MTUS1: variants seen among roughly 807,000 people sequenced by gnomAD.
MTUS1 encodes the protein microtubule associated scaffold protein 1, also known as microtubule-associated tumor suppressor 1.
In MTUS1, 109 loss-of-function variants were observed where a neutral mutation model predicts 120.8. That is an observed-to-expected ratio of 0.90 (90% CI 0.77 to 1.06). The LOEUF (loss-of-function observed/expected upper bound fraction) is 1.06. MTUS1 is among the 50% of genes least tolerant of loss of function. MTUS1 has a pLI of 0.00. For synonymous variants in MTUS1, 737 were observed against 550.5 expected, an observed-to-expected ratio of 1.34 and a Z score of -4.74; for missense variants, 2,210 against 1,486.3, an observed-to-expected ratio of 1.49 and a Z score of -8.01.
At chr8:17,740,269 C>G (rs937059362) in intron 3 of MTUS1, among the ~76,000 whole-genome samples, 3 of 152,056 alleles carry the variant, frequency 2.0e-5, no homozygotes, top group African/African-American at 7.2e-5. Context: ...ATTACAATTC[C>G]TTCTCACATT....
intron 1 of MTUS1, among the ~76,000 whole-genome samples, chr8:17,788,570 C>A (rs903453692): frequency 6.6e-6 from 1 of 152,176 alleles, no homozygotes; most frequent in African/African-American, 2.4e-5. Context: ...GACTAAACCA[C>A]CACCTTGAAA....
chr8:17,773,876 T>C (rs1291603481), intron 1 of MTUS1, among the ~76,000 whole-genome samples: 1 of 152,140 alleles, frequency 6.6e-6, no homozygotes, highest in Non-Finnish European at 1.5e-5. Context: ...TACACATGCA[T>C]GGATCAATGA....
Position 17,721,783 on chromosome 8 carries a change from A to G in MTUS1, c.2449+1889T>C. 3 of 1,614,204 alleles carry G rather than the reference A, an allele frequency of 1.9e-6. 1 individual carries two copies. The highest frequency in any genetic ancestry group is 2.5e-6 in the Non-Finnish European group (3 of 1,180,022). On this transcript the variant is annotated intron_variant, in intron 4 of 14. Coordinates refer to ENST00000693296, the MANE Select transcript of MTUS1 (RefSeq NM_001363059.2). ...GTACGATCCCACGACCAGCAGTGTC[A>G]ATAAGGTAGCATCATAGTGCCTCTC...
intron 8 of MTUS1, 116 bp from the exon 9 acceptor site, chr8:17,656,181 G>C: frequency 2.3e-6 from 2 of 883,140 alleles, no homozygotes; most frequent in South Asian, 1.5e-5. Flanking sequence ...ATGATGTCTT[G>C]GGTCTCTAGT....
chr8:17,768,635 C>G (rs2049760066), intron 1 of MTUS1, among the ~76,000 whole-genome samples: 1 of 152,018 alleles, frequency 6.6e-6, no homozygotes, highest in African/African-American at 2.4e-5. Flanking sequence ...CTTTAAGAGC[C>G]TTTTTGCAGC....
intron 1 of MTUS1, among the ~76,000 whole-genome samples, chr8:17,800,111 G>T (rs1209583147): frequency 1.3e-5 from 2 of 152,134 alleles, no homozygotes; most frequent in African/African-American, 4.8e-5. Flanking sequence ...TCCATGCACT[G>T]TTATCTTGTA....
intron 6 of MTUS1, chr8:17,697,228 C>T: frequency 6.3e-7 from 1 of 1,585,574 alleles, no homozygotes; most frequent in Non-Finnish European, 8.6e-7. Context: ...CCCCGTGCAA[C>T]ACTAAACAGA....
intron 8 of MTUS1, among the ~76,000 whole-genome samples, chr8:17,673,241 C>T (rs145063154): frequency 2.9e-4 from 44 of 152,354 alleles, no homozygotes; most frequent in African/African-American, 1.0e-3. Flanking sequence ...GGCTGTCTCT[C>T]AGCTGGGATT....
intron 2 of MTUS1, among the ~76,000 whole-genome samples, chr8:17,744,648 G>T (rs1399244825): frequency 7.0e-6 from 1 of 143,608 alleles, no homozygotes; most frequent in Non-Finnish European, 1.5e-5. Context: ...TTTTTTTTTT[G>T]GCATTTTATT....
chr8:17,688,825 C>A (rs955636656), intron 6 of MTUS1, among the ~76,000 whole-genome samples: 1 of 152,154 alleles, frequency 6.6e-6, no homozygotes, highest in Admixed American at 6.5e-5. Flanking sequence ...TTTCTATTTA[C>A]ATATAATATT....
chr8:17,724,037 A>C, intron 3 of MTUS1: 2 of 573,314 alleles, frequency 3.5e-6, no homozygotes, highest in Non-Finnish European at 6.2e-6. Context: ...GAGAGCAGAA[A>C]TGATGAGGCA....
At chr8:17,720,132 G>C (rs1277754383) in intron 4 of MTUS1, among the ~76,000 whole-genome samples, 1 of 152,130 alleles carries the variant, frequency 6.6e-6, no homozygotes, top group Non-Finnish European at 1.5e-5. Context: ...ATCACTTGTG[G>C]TTAGGAGTTC....
At chr8:17,681,040 T>A (rs1446693009) in intron 7 of MTUS1, among the ~76,000 whole-genome samples, 1 of 152,120 alleles carries the variant, frequency 6.6e-6, no homozygotes, top group African/African-American at 2.4e-5. Flanking sequence ...GTAAAGTGAT[T>A]CTTCTACCTT....
intron 8 of MTUS1, among the ~76,000 whole-genome samples, chr8:17,664,740 A>T (rs1046927475): frequency 6.6e-6 from 1 of 152,112 alleles, no homozygotes; most frequent in Non-Finnish European, 1.5e-5. Flanking sequence ...TACTAAGGGA[A>T]ATCCGAGGAA....
At chr8:17,763,560 C>T (rs2049213743) in intron 1 of MTUS1, among the ~76,000 whole-genome samples, 1 of 152,070 alleles carries the variant, frequency 6.6e-6, no homozygotes, top group Non-Finnish European at 1.5e-5. Flanking sequence ...GCTGCACAAA[C>T]CCAGAATGGC....
At chr8:17,704,054 ACTCTTT>A (rs1218335633) in intron 6 of MTUS1, 8 of 152,404 alleles carry the variant, frequency 5.2e-5, no homozygotes, top group African/African-American at 1.7e-4. Context: ...CTCTCTTTGT[ACTCTTT>A]CTCTTTATTT....
intron 1 of MTUS1, among the ~76,000 whole-genome samples, chr8:17,794,362 T>G (rs2052046889): frequency 6.6e-6 from 1 of 152,024 alleles, no homozygotes; most frequent in Non-Finnish European, 1.5e-5. Flanking sequence ...AAATCAAACA[T>G]AATATTCTAA....
chr8:17,777,907 C>T (rs2050581210), intron 1 of MTUS1, among the ~76,000 whole-genome samples: 1 of 152,090 alleles, frequency 6.6e-6, no homozygotes, highest in South Asian at 2.1e-4. Context: ...CAATAAAATG[C>T]AACTATTTAT....
At chr8:17,697,101 A>T (rs1563220533) in intron 6 of MTUS1, among the ~76,000 whole-genome samples, 1 of 152,252 alleles carries the variant, frequency 6.6e-6, no homozygotes, top group Non-Finnish European at 1.5e-5. Flanking sequence ...GTGCTGAAGC[A>T]ACAGAAAACA....
Sources: gnomAD v4.1 joint callset for allele counts (sites outside exome capture counted in the v4.1 genomes callset) on GRCh38, gnomAD v4.1.1 for gene constraint, MANE v1.5 for transcripts, NCBI Gene and HGNC (gene_info 2026-07-23, HGNC 2026-07-21) for gene names.